Variants in DISP3 observed in about 807,000 individuals in gnomAD.
The protein encoded by DISP3 is dispatched RND transporter family member 3, also known as protein dispatched homolog 3.
A neutral mutation model predicts 135.3 loss-of-function variants in DISP3; 101 were observed. That is an observed-to-expected ratio of 0.75 (90% CI 0.64 to 0.88). The LOEUF is 0.88. Ranked by LOEUF, DISP3 falls within the 40% of genes least tolerant of loss-of-function variation. The probability of loss-of-function intolerance (pLI) is 0.00; values close to 1 mark genes in which losing one functional copy is unlikely to be tolerated. For synonymous variants in DISP3, 856 were observed against 817.0 expected (o/e 1.05, Z -0.81); for missense variants, 1,713 against 1,878.6 (o/e 0.91, Z 1.63).
rs750800831 is a variant in DISP3, at chr1:11,529,810, A to G, written c.2953A>G (p.Thr985Ala). 1.2e-6 allele frequency: 2 copies of G among 1,613,670 alleles called. No individual in the cohort carries two copies. Among genetic ancestry groups the G allele is most frequent in the Admixed American group, 3.3e-5 (2 of 59,998 alleles). The change falls in exon 15 of 21, where the codon ACC (threonine) becomes GCC (alanine). Residue 985 changes from threonine to alanine, a missense_variant. Coordinates refer to ENST00000294484, the MANE Select transcript of DISP3 (RefSeq NM_020780.2). The surrounding 1 kb of genome is among the most constrained non-coding windows in gnomAD (Gnocchi z 4.7). ...EKVPKARLSA[T>A]FGFNPCVNTG... ...AGTGCCCAAGGCCCGTCTCTCAGCC[A>G]CCTTCGGCTTCAACCCCTGCGTGAA...
At chr1:11,523,527 G>T (rs1211756220) in intron 10 of DISP3, among the ~76,000 whole-genome samples, 13 of 141,358 alleles carry the variant, frequency 9.2e-5, no homozygotes, top group Non-Finnish European at 1.8e-4. Flanking sequence ...GAGTGGCACA[G>T]AGAGGGCGAG....
At chr1:11,507,087 G>T (rs1158559806) in intron 3 of DISP3, among the ~76,000 whole-genome samples, 1 of 152,134 alleles carries the variant, frequency 6.6e-6, no homozygotes, top group African/African-American at 2.4e-5. Flanking sequence ...CTTTTATTCA[G>T]TGATGAACAT....
At chr1:11,505,186 G>T (rs756565896) in intron 3 of DISP3, among the ~76,000 whole-genome samples, 1 of 152,222 alleles carries the variant, frequency 6.6e-6, no homozygotes, top group Non-Finnish European at 1.5e-5. Context: ...TGATTTGTTT[G>T]CACATTTAAG....
chr1:11,530,481 A>G (rs553707258), intron 15 of DISP3, among the ~76,000 whole-genome samples: 2 of 152,232 alleles, frequency 1.3e-5, no homozygotes, highest in South Asian at 4.1e-4. Flanking sequence ...AATGGCAGCC[A>G]TGGAGTAAGT....
intron 13 of DISP3, among the ~76,000 whole-genome samples, chr1:11,528,370 C>A (rs1306409014): frequency 6.6e-6 from 1 of 152,192 alleles, no homozygotes. Flanking sequence ...GTTGTAAACA[C>A]AGCCCTGCAT....
rs1252240425 is a variant in DISP3 at position 11,519,176 on chromosome 1, G to A, written c.1890-179G>A. On this transcript the variant is annotated intron_variant, in intron 7 of 20. Coordinates refer to ENST00000294484, the MANE Select transcript of DISP3 (RefSeq NM_020780.2). This position sits in a 1 kb window ranked among gnomAD's most constrained non-coding sequence, Gnocchi z 4.3. ...GAAGACTGGCACCTGAGGGCCCTGG[G>A]GTAGATGGTACTAGAAAGAAACCAG... Among the ~76,000 whole-genome samples the A allele has an allele frequency of 6.6e-6, 1 of 152,002 alleles. No individual in the cohort carries two copies. Among genetic ancestry groups the A allele is most frequent in the Non-Finnish European group, 1.5e-5 (1 of 67,990 alleles).
In DISP3 at chr1:11,523,958, GC is replaced by G. The variant is rs763236977; in HGVS notation, c.2383del (p.His795ThrfsTer42). ...GGGGGGCAGGTCTGTTCCAGGAGAAGCCCCACAGCCTGCAGAACAACATCCG... is the reference window on the plus strand; with the variant it reads ...GGGGGGCAGGTCTGTTCCAGGAGAAGCCCACAGCCTGCAGAACAACATCCG... ...ITCSGLFQEK[P>X]HSLQNNIRTS... On this transcript the variant is annotated frameshift_variant, in exon 11 of 21. Coordinates refer to ENST00000294484, the MANE Select transcript of DISP3 (RefSeq NM_020780.2). LOFTEE classifies it high-confidence loss of function. 6.2e-7 allele frequency: 1 copy of G among 1,612,722 alleles called. No individual in the cohort carries two copies.
At chr1:11,500,047 C>T (rs1029474721) in intron 1 of DISP3, among the ~76,000 whole-genome samples, 5 of 152,246 alleles carry the variant, frequency 3.3e-5, no homozygotes, top group African/African-American at 4.8e-5. Context: ...CTGGAGTCCT[C>T]GGGCTGCCCA....
At chr1:11,521,781 C>T (rs1642203100) in intron 10 of DISP3, among the ~76,000 whole-genome samples, 1 of 152,120 alleles carries the variant, frequency 6.6e-6, no homozygotes, top group Non-Finnish European at 1.5e-5. Context: ...TTGAGAGAGG[C>T]AGCTGCAGGA....
Position 11,514,464 on chromosome 1 carries a change from T to A in DISP3, c.1391T>A (p.Leu464His). The change falls in exon 4 of 21, where the codon CTC (leucine) becomes CAC (histidine). Residue 464 changes from leucine (L) to histidine (H), a missense_variant. Physicochemically the swap from Leu to His is moderately conservative, Grantham distance 99. Around this residue, in one of 2 missense-constraint regions of DISP3, gnomAD observed 1,142 missense variants for 1,384.6 expected, o/e 0.82. Transcript: ENST00000294484. ...CGCAGGACGTTCAACAATGACATGCTCCTGGCCTTCATCAGCAGCAGCTGC... is the reference window on the plus strand; with the variant it reads ...CGCAGGACGTTCAACAATGACATGCACCTGGCCTTCATCAGCAGCAGCTGC... ...EVRRTFNNDM[L>H]LAFISSSCIA... The A allele has an allele frequency of 6.2e-7, 1 of 1,614,128 alleles. No individual in the cohort carries two copies. The highest frequency in any genetic ancestry group is 8.5e-7 in the Non-Finnish European group (1 of 1,179,948).
chr1:11,521,668 G>C (rs1642199668), intron 10 of DISP3, among the ~76,000 whole-genome samples: 1 of 149,648 alleles, frequency 6.7e-6, no homozygotes, highest in African/African-American at 2.5e-5. Context: ...CAGGCTGGGA[G>C]GGGAGAGGAG....
Position 11,501,746 on chromosome 1 carries a change from G to A in DISP3, c.754G>A (p.Gly252Ser), listed in dbSNP as rs769943366. The change falls in exon 2 of 21, where the codon GGC becomes AGC. Residue 252 changes from glycine to serine, a missense_variant. Physicochemically the swap from Gly to Ser is moderately conservative, Grantham distance 56. Around this residue, in one of 2 missense-constraint regions of DISP3, gnomAD observed 571 missense variants for 494.1 expected, o/e 1.16. Coordinates refer to ENST00000294484, the MANE Select transcript of DISP3 (RefSeq NM_020780.2). The surrounding 1 kb of genome is among the most constrained non-coding windows in gnomAD (Gnocchi z 4.9). ...VAANQSRARR[G>S]ASRWDYSRAY... Reference sequence around the variant, plus strand: ...GGCCAATCAGAGCCGTGCCCGCCGAGGCGCCTCGCGCTGGGACTACTCGCG... The same window carrying A: ...GGCCAATCAGAGCCGTGCCCGCCGAAGCGCCTCGCGCTGGGACTACTCGCG... The A allele has an allele frequency of 6.3e-6, 10 of 1,591,746 alleles. No homozygotes were observed. The East Asian group carries it at 1.8e-4, about 29-fold the overall frequency.
intron 3 of DISP3, 48 bp downstream of exon 3, chr1:11,502,945 C>T (rs1434123063): frequency 1.4e-6 from 2 of 1,474,588 alleles, no homozygotes; most frequent in Admixed American, 3.7e-5. Flanking sequence ...TTTTTGATTT[C>T]CAATTGCCTC....
At chr1:11,487,156 G>T (rs750211123) in intron 1 of DISP3, among the ~76,000 whole-genome samples, 3 of 152,206 alleles carry the variant, frequency 2.0e-5, no homozygotes, top group Admixed American at 6.5e-5. Flanking sequence ...CAAAGGGAAG[G>T]GTCCTTCTCT....
chr1:11,510,578 A>G (rs1641829681), intron 3 of DISP3, among the ~76,000 whole-genome samples: 1 of 152,222 alleles, frequency 6.6e-6, no homozygotes, highest in African/African-American at 2.4e-5. Context: ...TAAATAAGAA[A>G]ATTGTATGTA....
At position 11,531,795 on chromosome 1, in the gene DISP3, G is replaced by T; in HGVS notation, c.3375+85G>T. The T allele has an allele frequency of 2.0e-6, 3 of 1,479,708 alleles. No individual in the cohort carries two copies. The highest frequency in any genetic ancestry group is 2.7e-6 in the Non-Finnish European group (3 of 1,115,684). 91.7% of individuals were successfully genotyped at this position (1,479,708 alleles called of 1,614,324 possible). On this transcript the variant is annotated intron_variant, in intron 17 of 20. Transcript: ENST00000294484. The surrounding 1 kb of genome is among the most constrained non-coding windows in gnomAD (Gnocchi z 5.2). ...CTGATCCCAGCCCTCTTCCCAGATC[G>T]GGGGGGAGATGCTGAGGCCCAGAGA...
In DISP3 at chr1:11,531,668, CAGGG is replaced by C; in HGVS notation, c.3338_3341del (p.Glu1113AlafsTer65). 1 of 1,612,324 alleles carries C rather than the reference CAGGG, an allele frequency of 6.2e-7. No homozygotes were observed. The highest frequency in any genetic ancestry group is 8.5e-7 in the Non-Finnish European group (1 of 1,179,386). On this transcript the variant is annotated frameshift_variant, in exon 17 of 21. Coordinates refer to ENST00000294484, the MANE Select transcript of DISP3 (RefSeq NM_020780.2). LOFTEE classifies it high-confidence loss of function. This position sits in a 1 kb window ranked among gnomAD's most constrained non-coding sequence, Gnocchi z 5.2. Reference sequence around the variant, plus strand: ...AGCTGTCCCACGGGGCAGTGGGCGTCAGGGAGGGCCGCGTGCAGTGGATCTCCAT... The same window carrying C: ...AGCTGTCCCACGGGGCAGTGGGCGTCAGGGCCGCGTGCAGTGGATCTCCAT...
intron 1 of DISP3, chr1:11,481,252 C>T (rs1264053402): frequency 6.6e-6 from 1 of 152,230 alleles, no homozygotes; most frequent in Admixed American, 6.5e-5. Flanking sequence ...GCCTTCTTCA[C>T]TGCAGGTTCC....
intron 1 of DISP3, among the ~76,000 whole-genome samples, chr1:11,494,896 A>G (rs1266416643): frequency 6.6e-6 from 1 of 152,120 alleles, no homozygotes; most frequent in Non-Finnish European, 1.5e-5. Context: ...AGAGGAGGGA[A>G]GTTATAAACA....
Sources: allele counts gnomAD v4.1 joint callset (sites outside exome capture counted in the v4.1 genomes callset), GRCh38; gene constraint gnomAD v4.1.1; regional missense constraint gnomAD v4.1.1; non-coding constraint Gnocchi (gnomAD v3.1); transcripts MANE v1.5; gene names NCBI Gene and HGNC (gene_info 2026-07-23, HGNC 2026-07-21).